SNRPN: variants seen among roughly 807,000 people sequenced by gnomAD.
SNRPN encodes the protein small nuclear ribonucleoprotein-associated protein N.
SNRPN carries 7 observed loss-of-function variants against 25.2 expected under a neutral mutation model. The observed-to-expected ratio is 0.28, with a 90% CI of 0.16 to 0.52. SNRPN has a LOEUF of 0.52. Among genes scored for constraint, SNRPN ranks in the 20% least tolerant of loss-of-function variants. The probability of loss-of-function intolerance (pLI) is 0.96; values close to 1 mark genes in which losing one functional copy is unlikely to be tolerated. For missense variants in SNRPN, 196 were observed against 322.5 expected (o/e 0.61, Z 3.00); for synonymous variants, 124 against 110.6 (o/e 1.12, Z -0.76).
chr15:24,895,034 C>T (rs954572480), intron 2 of SNRPN, among the ~76,000 whole-genome samples: 4 of 151,944 alleles, frequency 2.6e-5, no homozygotes, highest in African/African-American at 7.3e-5. Context: ...TGATGAAGAG[C>T]GAAGAGTCAT....
intron 2 of SNRPN, among the ~76,000 whole-genome samples, chr15:24,891,543 T>C (rs1384506384): frequency 1.3e-5 from 2 of 152,010 alleles, no homozygotes; most frequent in African/African-American, 2.4e-5. Context: ...GTTCAAGCGA[T>C]TCTCCTGCCT....
At chr15:24,890,170 T>G (rs566800131) in intron 2 of SNRPN, among the ~76,000 whole-genome samples, 1 of 152,148 alleles carries the variant, frequency 6.6e-6, no homozygotes, top group Non-Finnish European at 1.5e-5. Context: ...TGCTCCCACT[T>G]TTCTCCCCTG....
At chr15:24,854,412 A>T (rs879274112), upstream of SNRPN, among the ~76,000 whole-genome samples, 3 of 152,232 alleles carry the variant, frequency 2.0e-5, no homozygotes, top group Non-Finnish European at 4.4e-5. Context: ...ATGATAAGGA[A>T]GACAAATGGA....
chr15:24,963,688 C>T lies in SNRPN; in HGVS notation c.-295+1479C>T, dbSNP rs1011077965. Among the ~76,000 whole-genome samples, 5 of 151,010 alleles carry T rather than the reference C, an allele frequency of 3.3e-5. No individual in the cohort carries two copies. The South Asian group carries it at 1.0e-3, about 32-fold the overall frequency. ...ATTTTTTTCAAATTAAAGGTTTTTC[C>T]TCATAGTAAAAACTGAGTAGTAGTT... is the stretch of plus-strand genomic sequence containing the variant. On this transcript the variant is annotated intron_variant, in intron 2 of 9. Transcript: ENST00000390687.
intron 2 of SNRPN, chr15:24,909,615 C>G (rs2059082634): frequency 8.2e-7 from 1 of 1,220,202 alleles, no homozygotes; most frequent in Admixed American, 1.7e-5. Context: ...ATATCCCCCT[C>G]TATATGGGCA....
intron 1 of SNRPN, among the ~76,000 whole-genome samples, chr15:24,885,811 A>G (rs2057156087): frequency 6.6e-6 from 1 of 151,930 alleles, no homozygotes; most frequent in Non-Finnish European, 1.5e-5. Context: ...TTGCATGGCC[A>G]TATTTTTACT....
chr15:24,882,650 T>A (rs2056805645), intron 1 of SNRPN, among the ~76,000 whole-genome samples: 1 of 151,658 alleles, frequency 6.6e-6, no homozygotes, highest in Non-Finnish European at 1.5e-5. Flanking sequence ...CATGGTTAAA[T>A]CCTGTCTCTA....
chr15:24,871,625 G>T (rs2055125485), intron 1 of SNRPN, among the ~76,000 whole-genome samples: 1 of 151,804 alleles, frequency 6.6e-6, no homozygotes, highest in South Asian at 2.1e-4. Flanking sequence ...GTTGGTATTT[G>T]TCTTTTATTT....
chr15:24,955,620 G>A (rs896334119), intron 1 of SNRPN, among the ~76,000 whole-genome samples: 9 of 148,348 alleles, frequency 6.1e-5, no homozygotes, highest in East Asian at 2.0e-4. Flanking sequence ...GGAATTCGTC[G>A]CAGTGACCGA....
intron 2 of SNRPN, among the ~76,000 whole-genome samples, chr15:24,902,753 G>A (rs765688690): frequency 2.6e-5 from 4 of 152,280 alleles, no homozygotes; most frequent in East Asian, 3.9e-4. Context: ...TGGTCTCGCC[G>A]GCTTCAGGAG....
Position 24,949,833 on chromosome 15 carries a change from CT to C in SNRPN, c.-390-12270del, listed in dbSNP as rs892102485. 5.3e-3 allele frequency among the ~76,000 whole-genome samples: 760 copies of C among 144,736 alleles called. 6 individuals carry two copies. The highest frequency in any genetic ancestry group is 0.015 in the African/African-American group (614 of 39,850). The allele number at this position is 144,736 out of a possible 152,430, so 95.0% of individuals were successfully genotyped here. On this transcript the variant is annotated intron_variant, in intron 3 of 11. Transcript: ENST00000400097. ...TGTTTCCTTTTTCTTTTCTTTCTTTCTTTTTTTTTTTGGAGAACGGGTCTCA... is the reference window on the plus strand; with the variant it reads ...TGTTTCCTTTTTCTTTTCTTTCTTTCTTTTTTTTTTGGAGAACGGGTCTCA...
At chr15:24,974,668 TG>T (rs1255547636) in intron 4 of SNRPN, 15 of 629,050 alleles carry the variant, frequency 2.4e-5, no homozygotes, top group Non-Finnish European at 4.0e-5. Flanking sequence ...TCTCCCAGTC[TG>T]GAGTGCAGTG....
intron 1 of SNRPN, among the ~76,000 whole-genome samples, chr15:24,877,499 T>TA (rs1164425510): frequency 6.6e-6 from 1 of 152,214 alleles, no homozygotes; most frequent in Non-Finnish European, 1.5e-5. Context: ...TTTTAAAACT[T>TA]AAACATAATG....
intron 3 of SNRPN, among the ~76,000 whole-genome samples, chr15:24,944,967 A>G (rs567735940): frequency 1.3e-5 from 2 of 152,308 alleles, no homozygotes; most frequent in Admixed American, 1.3e-4. Flanking sequence ...ATATTAAAGA[A>G]GGTATCTGCT....
chr15:24,852,677 G>A (rs1263522029), upstream of SNRPN, among the ~76,000 whole-genome samples: 1 of 152,200 alleles, frequency 6.6e-6, no homozygotes, highest in Non-Finnish European at 1.5e-5. Flanking sequence ...AACACTTTGG[G>A]AGGTGAAGGT....
chr15:24,879,608 T>C (rs1369024616), intron 1 of SNRPN, among the ~76,000 whole-genome samples: 2 of 152,352 alleles, frequency 1.3e-5, no homozygotes, highest in African/African-American at 4.8e-5. Flanking sequence ...ACCAGTCTTC[T>C]TTCTGCAGAG....
rs968773585 is a variant in SNRPN, at chr15:24,978,567, G to C, written c.*123G>C. 2.0e-5 allele frequency: 18 copies of C among 906,754 alleles called. No homozygotes were observed. In the African/African-American group the frequency reaches 2.8e-4, roughly 14 times the overall value. 56.2% of individuals were successfully genotyped at this position (906,754 alleles called of 1,614,324 possible). On this transcript the variant is annotated 3_prime_UTR_variant, in exon 10 of 10. Coordinates refer to ENST00000390687, the MANE Select transcript of SNRPN (RefSeq NM_003097.6). ...AATAATAGCTAATAATAAATGCATA[G>C]AGCAATTAAACTGTGAGGTACTGTT...
chr15:24,893,257 G>A (rs2057820905), intron 2 of SNRPN, among the ~76,000 whole-genome samples: 1 of 151,144 alleles, frequency 6.6e-6, no homozygotes, highest in African/African-American at 2.4e-5. Context: ...AGAAAAGAAA[G>A]TTTTTCCTAT....
intron 3 of SNRPN, among the ~76,000 whole-genome samples, chr15:24,927,662 G>T (rs1212635004): frequency 1.3e-5 from 2 of 151,706 alleles, no homozygotes; most frequent in Non-Finnish European, 2.9e-5. Flanking sequence ...CTAATCTACA[G>T]GCCATAACCC....
Sources: allele counts gnomAD v4.1 joint callset (sites outside exome capture counted in the v4.1 genomes callset), GRCh38; gene constraint gnomAD v4.1.1; transcripts MANE v1.5; gene names NCBI Gene and HGNC (gene_info 2026-07-23, HGNC 2026-07-21).